The following PXDNL variants were observed in gnomAD, a reference collection of about 807,000 sequenced individuals.
PXDNL encodes the protein probable oxidoreductase PXDNL.
A neutral mutation model predicts 150.8 loss-of-function variants in PXDNL; 145 were observed. The ratio of observed to expected loss-of-function variants is 0.96; its 90% CI spans 0.84 to 1.10. PXDNL has a LOEUF of 1.10. Among genes scored for constraint, PXDNL ranks in the 50% least tolerant of loss-of-function variants. The probability of loss-of-function intolerance (pLI) is 0.00; values close to 1 mark genes in which losing one functional copy is unlikely to be tolerated. For synonymous variants in PXDNL, 757 were observed against 725.7 expected, an observed-to-expected ratio of 1.04 and a Z score of -0.69; for missense variants, 2,087 against 1,873.9, an observed-to-expected ratio of 1.11 and a Z score of -2.10.
chr8:51,702,465 C>A (rs566959827), intron 1 of PXDNL, among the ~76,000 whole-genome samples: 2 of 152,288 alleles, frequency 1.3e-5, no homozygotes, highest in East Asian at 3.9e-4. Context: ...CATAGCCATG[C>A]GAACAAACCT....
chr8:51,661,237 C>T (rs1425499115), intron 1 of PXDNL, among the ~76,000 whole-genome samples: 2 of 152,148 alleles, frequency 1.3e-5, no homozygotes, highest in East Asian at 1.9e-4. Flanking sequence ...ATCTCCAGTG[C>T]ACTTCCTGCC....
chr8:51,509,835 G>A (rs947689746), intron 4 of PXDNL, among the ~76,000 whole-genome samples: 1 of 148,934 alleles, frequency 6.7e-6, no homozygotes, highest in African/African-American at 2.5e-5. Context: ...TGTATATACC[G>A]ATTTAAATAT....
chr8:51,403,753 C>T (rs1808342870), intron 17 of PXDNL, among the ~76,000 whole-genome samples: 1 of 152,192 alleles, frequency 6.6e-6, no homozygotes, highest in African/African-American at 2.4e-5. Context: ...AATGTGGAAG[C>T]TTCATCTCCG....
chr8:51,558,584 T>A (rs182657000), intron 3 of PXDNL, among the ~76,000 whole-genome samples: 1 of 152,048 alleles, frequency 6.6e-6, no homozygotes, highest in Non-Finnish European at 1.5e-5. Flanking sequence ...TAAAATGAAA[T>A]CATAAAATAT....
chr8:51,809,380 C>G lies in PXDNL; in HGVS notation c.-36G>C, dbSNP rs1052858868. The G allele has an allele frequency of 6.7e-7, 1 of 1,499,494 alleles. No homozygotes were observed. Among genetic ancestry groups the G allele is most frequent in the African/African-American group, 1.4e-5 (1 of 70,176 alleles). The allele number at this position is 1,499,494 out of a possible 1,614,324, so 92.9% of individuals were successfully genotyped here. ...GCTGCTGGCCACGCGAAGAAGCAGC[C>G]GGAGGGAGAGCAGCAGCTGCAGCTG... On this transcript the variant is annotated 5_prime_UTR_variant, in exon 1 of 23. Transcript: ENST00000356297.
intron 19 of PXDNL, among the ~76,000 whole-genome samples, chr8:51,366,716 T>C (rs1350152147): frequency 6.6e-6 from 1 of 152,174 alleles, no homozygotes; most frequent in Admixed American, 6.5e-5. Flanking sequence ...CAGTGGGCAG[T>C]GCACAGGGAG....
intron 4 of PXDNL, among the ~76,000 whole-genome samples, chr8:51,537,900 G>A (rs1350292764): frequency 1.3e-5 from 2 of 152,066 alleles, no homozygotes; most frequent in Non-Finnish European, 2.9e-5. Context: ...GGAATAGATC[G>A]GAAAAGCCAC....
chr8:51,387,921 A>G (rs1157668108), intron 17 of PXDNL, among the ~76,000 whole-genome samples: 1 of 152,122 alleles, frequency 6.6e-6, no homozygotes, highest in Non-Finnish European at 1.5e-5. Context: ...ATGTTGCACT[A>G]TTCTTAAACT....
chr8:51,783,758 G>T (rs527356454), intron 1 of PXDNL, among the ~76,000 whole-genome samples: 1 of 152,268 alleles, frequency 6.6e-6, no homozygotes, highest in East Asian at 1.9e-4. Context: ...TTGAATGAAA[G>T]GGGCGTATTA....
chr8:51,524,379 A>T (rs544753048), intron 4 of PXDNL, among the ~76,000 whole-genome samples: 37 of 152,332 alleles, frequency 2.4e-4, no homozygotes, highest in South Asian at 2.1e-3. Context: ...ATAAATTTTT[A>T]TGGCTGGCAT....
intron 1 of PXDNL, among the ~76,000 whole-genome samples, chr8:51,676,975 C>T (rs1351606095): frequency 2.6e-5 from 4 of 152,176 alleles, no homozygotes; most frequent in African/African-American, 7.2e-5. Context: ...CGAAGAAAAA[C>T]GAACCAGAGA....
intron 1 of PXDNL, among the ~76,000 whole-genome samples, chr8:51,776,766 C>T (rs2037358175): frequency 1.3e-5 from 2 of 152,086 alleles, no homozygotes; most frequent in African/African-American, 2.4e-5. Context: ...TGTAATTCCC[C>T]AGCTGTCCTG....
intron 4 of PXDNL, among the ~76,000 whole-genome samples, chr8:51,520,333 C>T (rs1223470229): frequency 6.6e-6 from 1 of 152,144 alleles, no homozygotes; most frequent in Non-Finnish European, 1.5e-5. Flanking sequence ...AAGAAACCAT[C>T]CCTCTAGAAG....
intron 1 of PXDNL, among the ~76,000 whole-genome samples, chr8:51,790,754 G>A (rs569192014): frequency 2.9e-5 from 1 of 35,022 alleles, no homozygotes; most frequent in African/African-American, 3.7e-5. Flanking sequence ...CCTTGCTCCT[G>A]CTACAGCGTT....
At chr8:51,423,890 G>C (rs1194536420) in intron 13 of PXDNL, among the ~76,000 whole-genome samples, 159 bp from the exon 14 acceptor site, 4 of 152,140 alleles carry the variant, frequency 2.6e-5, no homozygotes, top group Non-Finnish European at 5.9e-5. Flanking sequence ...TGGAGAGAAG[G>C]AAGAGAGGAA....
chr8:51,720,560 G>A (rs1321895511), intron 1 of PXDNL, among the ~76,000 whole-genome samples: 1 of 152,136 alleles, frequency 6.6e-6, no homozygotes, highest in Non-Finnish European at 1.5e-5. Context: ...AAAAAGAAAT[G>A]TGCTATCCTG....
At chr8:51,669,495 C>A (rs1815456962) in intron 1 of PXDNL, among the ~76,000 whole-genome samples, 2 of 152,122 alleles carry the variant, frequency 1.3e-5, no homozygotes, top group African/African-American at 4.8e-5. Flanking sequence ...AACCTCCCAG[C>A]CAATTTGTAA....
At chr8:51,320,546 A>G (rs1805284826) in intron 22 of PXDNL, among the ~76,000 whole-genome samples, 1 of 152,222 alleles carries the variant, frequency 6.6e-6, no homozygotes, top group Admixed American at 6.5e-5. Flanking sequence ...TCCCTCGTCC[A>G]TCAGTGAACA....
At chr8:51,354,737 A>G (rs949009682) in intron 19 of PXDNL, among the ~76,000 whole-genome samples, 2 of 152,100 alleles carry the variant, frequency 1.3e-5, no homozygotes, top group Admixed American at 1.3e-4. Flanking sequence ...CCTAATCCTG[A>G]TATAGAAAAA....
Sources: gnomAD v4.1 joint callset for allele counts (sites outside exome capture counted in the v4.1 genomes callset) on GRCh38, gnomAD v4.1.1 for gene constraint, MANE v1.5 for transcripts, NCBI Gene and HGNC (gene_info 2026-07-23, HGNC 2026-07-21) for gene names.